The following TTC28 variants were observed in gnomAD, a reference collection of about 807,000 sequenced individuals.
TTC28 encodes the protein tetratricopeptide repeat protein 28.
Under a neutral mutation model 198.0 loss-of-function variants are expected in TTC28, and 61 were observed. That is an observed-to-expected ratio of 0.31 (90% CI 0.25 to 0.38). The LOEUF (loss-of-function observed/expected upper bound fraction) is 0.38, where lower values mean the gene tolerates loss of function less well. TTC28 is among the 10% of genes least tolerant of loss of function. The pLI, the probability that TTC28 is intolerant of heterozygous loss-of-function variation, is 1.00. For missense variants in TTC28, 2,678 were observed against 3,164.0 expected (o/e 0.85, Z 3.69); for synonymous variants, 1,171 against 1,297.8 (o/e 0.90, Z 2.10).
rs1047167427 is a variant in TTC28, at chr22:28,239,799, C to T, written c.933+56399G>A. On this transcript the variant is annotated intron_variant, in intron 5 of 22. Coordinates refer to ENST00000397906, the MANE Select transcript of TTC28 (RefSeq NM_001145418.2). ...TCTGATGAAGATGAGGACCTTGAGC[C>T]CCCAAGGGTTGGTCTCTACTTGCCT... Among the ~76,000 whole-genome samples, 10 of 152,208 alleles carry T rather than the reference C, an allele frequency of 6.6e-5. No homozygotes were observed. The East Asian group carries it at 1.2e-3, about 18-fold the overall frequency.
intron 2 of TTC28, among the ~76,000 whole-genome samples, chr22:28,379,038 G>A (rs1486668449): frequency 6.6e-6 from 1 of 152,012 alleles, no homozygotes; most frequent in Non-Finnish European, 1.5e-5. Flanking sequence ...AGATTTTACA[G>A]AGAGAAAGCT....
chr22:28,199,694 G>A (rs1925754631), intron 5 of TTC28, among the ~76,000 whole-genome samples: 1 of 151,748 alleles, frequency 6.6e-6, no homozygotes, highest in Non-Finnish European at 1.5e-5. Context: ...ACAGTTATCT[G>A]TAGCAGGAGA....
At chr22:28,484,916 A>T (rs2048298068) in intron 2 of TTC28, among the ~76,000 whole-genome samples, 1 of 152,192 alleles carries the variant, frequency 6.6e-6, no homozygotes, top group Admixed American at 6.5e-5. Context: ...TAGCATCTGT[A>T]AATCTCCCTA....
rs1409802506 is a variant in TTC28 at position 28,053,865 on chromosome 22, T to C, written c.3933-23499A>G. Among the ~76,000 whole-genome samples, 5 of 152,198 alleles carry C rather than the reference T, an allele frequency of 3.3e-5. No individual in the cohort carries two copies. The South Asian group carries it at 8.3e-4, about 25-fold the overall frequency. ...AGTATTTACCTGAAGAAACTGTTCA[T>C]TGGTATCCTTTAGAGCAAAAAATAA... On this transcript the variant is annotated intron_variant, in intron 12 of 22. Transcript: ENST00000397906.
intron 2 of TTC28, among the ~76,000 whole-genome samples, chr22:28,431,136 A>T (rs1439664436): frequency 6.6e-6 from 1 of 152,066 alleles, no homozygotes; most frequent in Non-Finnish European, 1.5e-5. Flanking sequence ...CTCTCTGGTG[A>T]TGCTTAACAT....
intron 2 of TTC28, among the ~76,000 whole-genome samples, chr22:28,435,222 A>G (rs2047501673): frequency 6.6e-6 from 1 of 152,202 alleles, no homozygotes. Context: ...GAATACTCAA[A>G]ATAACAATGA....
chr22:28,254,721 T>G (rs752155651), intron 5 of TTC28, among the ~76,000 whole-genome samples: 1 of 152,124 alleles, frequency 6.6e-6, no homozygotes, highest in Non-Finnish European at 1.5e-5. Context: ...AAGAGGGAAC[T>G]CAATACCAAA....
At chr22:28,017,110 G>C (rs959435961) in intron 13 of TTC28, among the ~76,000 whole-genome samples, 4 of 152,254 alleles carry the variant, frequency 2.6e-5, no homozygotes, top group Admixed American at 2.0e-4. Flanking sequence ...GGCAGGGAGT[G>C]TGGGGCCTGG....
intron 6 of TTC28, among the ~76,000 whole-genome samples, chr22:28,153,154 T>A (rs987465701): frequency 1.3e-5 from 2 of 151,980 alleles, no homozygotes; most frequent in Non-Finnish European, 2.9e-5. Flanking sequence ...ATAAAAGTAA[T>A]TTAAGTAATA....
chr22:28,595,064 C>CT (rs965611847), intron 2 of TTC28, among the ~76,000 whole-genome samples: 19 of 152,108 alleles, frequency 1.2e-4, no homozygotes, highest in African/African-American at 4.3e-4. Flanking sequence ...CATAAATAAT[C>CT]TTTTTTTAAA....
At chr22:28,399,213 G>A (rs530482604) in intron 2 of TTC28, among the ~76,000 whole-genome samples, 54 of 151,144 alleles carry the variant, frequency 3.6e-4, no homozygotes, top group Non-Finnish European at 5.4e-4. Flanking sequence ...CATGAACCCC[G>A]CATTATCTCT....
chr22:28,608,196 C>A (rs895399692), intron 2 of TTC28, among the ~76,000 whole-genome samples: 1 of 152,164 alleles, frequency 6.6e-6, no homozygotes, highest in Non-Finnish European at 1.5e-5. Context: ...TTTTCCTCAC[C>A]TATGTGATCG....
intron 12 of TTC28, among the ~76,000 whole-genome samples, chr22:28,088,646 C>A (rs572798703): frequency 1.5e-4 from 23 of 152,142 alleles, no homozygotes; most frequent in African/African-American, 3.9e-4. Flanking sequence ...TGGCAACAAA[C>A]GCCAAAATTG....
chr22:28,214,338 A>G (rs1164297339), intron 5 of TTC28, among the ~76,000 whole-genome samples: 1 of 152,230 alleles, frequency 6.6e-6, no homozygotes, highest in Non-Finnish European at 1.5e-5. Context: ...ATCAGAGTGA[A>G]CAGGCAACCT....
intron 21 of TTC28, 190 bp from the exon 22 acceptor site, chr22:27,985,546 C>T: frequency 2.0e-6 from 1 of 490,354 alleles, no homozygotes; most frequent in South Asian, 2.2e-5. Flanking sequence ...GCTGCCCCAC[C>T]CAGAACATCC....
intron 2 of TTC28, among the ~76,000 whole-genome samples, chr22:28,457,037 A>G (rs2047872971): frequency 6.6e-6 from 1 of 152,242 alleles, no homozygotes; most frequent in Non-Finnish European, 1.5e-5. Context: ...TGAATTTATT[A>G]TAAGTAAGAC....
intron 2 of TTC28, among the ~76,000 whole-genome samples, chr22:28,429,486 A>G (rs1360905258): frequency 6.6e-6 from 1 of 152,060 alleles, no homozygotes; most frequent in Non-Finnish European, 1.5e-5. Flanking sequence ...GTGCTAACTG[A>G]AAAAAAACTC....
chr22:28,394,544 T>C (rs1159106579), intron 2 of TTC28, among the ~76,000 whole-genome samples: 1 of 152,186 alleles, frequency 6.6e-6, no homozygotes, highest in Admixed American at 6.5e-5. Context: ...CTTCTGCTAA[T>C]ACAAGATTCA....
intron 6 of TTC28, among the ~76,000 whole-genome samples, chr22:28,157,688 C>T (rs888330585): frequency 6.6e-6 from 1 of 152,066 alleles, no homozygotes; most frequent in Non-Finnish European, 1.5e-5. Context: ...TCAATTGATG[C>T]TGAAAAAGCA....
Sources: gnomAD v4.1 joint callset for allele counts (sites outside exome capture counted in the v4.1 genomes callset) on GRCh38, gnomAD v4.1.1 for gene constraint, MANE v1.5 for transcripts, NCBI Gene and HGNC (gene_info 2026-07-23, HGNC 2026-07-21) for gene names.